Variants in MAU2 observed in about 807,000 individuals in gnomAD.
MAU2 encodes the protein MAU2 chromatid cohesion factor homolog.
Under a neutral mutation model 89.1 loss-of-function variants are expected in MAU2, and 9 were observed. The ratio of observed to expected loss-of-function variants is 0.10; its 90% CI spans 0.06 to 0.18. The LOEUF (loss-of-function observed/expected upper bound fraction) is 0.18, where lower values mean the gene tolerates loss of function less well. Among genes scored for constraint, MAU2 ranks in the 10% least tolerant of loss-of-function variants. MAU2 has a pLI of 1.00. For missense variants in MAU2, 425 were observed against 803.5 expected, an observed-to-expected ratio of 0.53 and a Z score of 5.69; for synonymous variants, 357 against 343.4, an observed-to-expected ratio of 1.04 and a Z score of -0.44.
rs1339630114 is a variant in MAU2, at chr19:19,358,664, C to T, written c.*2882C>T. On this transcript the variant is annotated 3_prime_UTR_variant, in exon 19 of 19. Coordinates refer to ENST00000262815, the MANE Select transcript of MAU2 (RefSeq NM_015329.4). ...AAAAAAACAATTTGTAAATACAGAACATTGTTTAAAAGACATAACCATAGA... is the reference window on the plus strand; with the variant it reads ...AAAAAAACAATTTGTAAATACAGAATATTGTTTAAAAGACATAACCATAGA... 6.6e-6 allele frequency: 1 copy of T among 152,210 alleles called. No individual in the cohort carries two copies. Among genetic ancestry groups the T allele is most frequent in the Admixed American group, 6.5e-5 (1 of 15,280 alleles). 9.4% of individuals were successfully genotyped at this position (152,210 alleles called of 1,614,324 possible).
chr19:19,334,651 C>A, intron 1 of MAU2: 4 of 963,370 alleles, frequency 4.2e-6, no homozygotes, highest in Non-Finnish European at 3.7e-6. Context: ...GGGGTGACAC[C>A]AGGGCATTCT....
chr19:19,341,658 C>T (rs1447652921), intron 7 of MAU2, among the ~76,000 whole-genome samples: 3 of 152,224 alleles, frequency 2.0e-5, no homozygotes, highest in Non-Finnish European at 4.4e-5. Flanking sequence ...TGCATACACT[C>T]GCTCAGTGTA....
rs537539905 is a variant in MAU2, at chr19:19,356,132, G to T, written c.*350G>T. 4 of 476,770 alleles carry T rather than the reference G, an allele frequency of 8.4e-6. No individual in the cohort carries two copies. The highest frequency in any genetic ancestry group is 4.7e-5 in the Admixed American group (2 of 42,302). The allele number at this position is 476,770 out of a possible 1,614,324, so 29.5% of individuals were successfully genotyped here. ...GTCCTAATCCTGTGTGCCAGGGCAG[G>T]CAGTGCCCCAGGGGCACCACGCCTG... On this transcript the variant is annotated 3_prime_UTR_variant, in exon 19 of 19. Coordinates refer to ENST00000262815, the MANE Select transcript of MAU2 (RefSeq NM_015329.4).
intron 1 of MAU2, 60 bp downstream of exon 1, chr19:19,321,195 C>G: frequency 6.9e-7 from 1 of 1,443,000 alleles, no homozygotes; most frequent in South Asian, 1.4e-5. Context: ...TCTGGGCTGA[C>G]GGGTCGCGAC....
At chr19:19,330,630 C>T (rs1159732166) in intron 1 of MAU2, among the ~76,000 whole-genome samples, 1 of 152,162 alleles carries the variant, frequency 6.6e-6, no homozygotes. Context: ...ATCCCAGCTA[C>T]TCGGGAGGCT....
At chr19:19,346,091 A>C (rs1451263052) in intron 12 of MAU2, among the ~76,000 whole-genome samples, 1 of 152,064 alleles carries the variant, frequency 6.6e-6, no homozygotes, top group Non-Finnish European at 1.5e-5. Context: ...TGACTGTTGG[A>C]CAGGGTTCCC....
rs2048169755 is a variant in MAU2, at chr19:19,355,712, C to T, written c.1772C>T (p.Thr591Ile). The T allele has an allele frequency of 6.2e-7, 1 of 1,609,900 alleles. No individual in the cohort carries two copies. The highest frequency in any genetic ancestry group is 2.2e-5 in the East Asian group (1 of 44,844). ...SLPEHNLITWTDGPPPVQFQA... is the reference protein window; with the variant it reads ...SLPEHNLITWIDGPPPVQFQA... ...CATGTCCTCTCCTCCCCACAGTGGACAGACGGTCCACCCCCCGTGCAGTTC... is the reference window on the plus strand; with the variant it reads ...CATGTCCTCTCCTCCCCACAGTGGATAGACGGTCCACCCCCCGTGCAGTTC... The change falls in exon 19 of 19, where the codon ACA becomes ATA. Residue 591 changes from threonine (T) to isoleucine (I), a missense_variant. Coordinates refer to ENST00000262815, the MANE Select transcript of MAU2 (RefSeq NM_015329.4).
rs1006140731 is a variant in MAU2, at chr19:19,347,437, C to T, written c.1308+71C>T. 58 of 1,255,896 alleles carry T rather than the reference C, an allele frequency of 4.6e-5. No individual in the cohort carries two copies. In the South Asian group the frequency reaches 6.6e-4, roughly 14 times the overall value. 77.8% of individuals were successfully genotyped at this position (1,255,896 alleles called of 1,614,324 possible). A position where few individuals can be genotyped will look rare whatever the true frequency, so the allele number is the denominator to read the frequency against. On this transcript the variant is annotated intron_variant, in intron 13 of 18. Transcript: ENST00000262815. ...TCTTTTTGGGGAACCAGGGGGTTGTCCTGGGCACCAGCACATCTCAGCAGA... is the reference window on the plus strand; with the variant it reads ...TCTTTTTGGGGAACCAGGGGGTTGTTCTGGGCACCAGCACATCTCAGCAGA...
chr19:19,355,797 C>T lies in MAU2; in HGVS notation c.*15C>T, dbSNP rs1475882113. The T allele has an allele frequency of 1.2e-6, 2 of 1,603,004 alleles. No homozygotes were observed. The highest frequency in any genetic ancestry group is 1.1e-5 in the South Asian group (1 of 91,048). On this transcript the variant is annotated 3_prime_UTR_variant, in exon 19 of 19. Coordinates refer to ENST00000262815, the MANE Select transcript of MAU2 (RefSeq NM_015329.4). Reference sequence around the variant, plus strand: ...GCCTCCTGTGAGGCCTTGATGGGGCCATCCAGCTCCGCAGGGCCTGCGCGT... The same window carrying T: ...GCCTCCTGTGAGGCCTTGATGGGGCTATCCAGCTCCGCAGGGCCTGCGCGT...
chr19:19,340,164 C>CA (rs1253222446), intron 5 of MAU2, among the ~76,000 whole-genome samples: 1,318 of 83,950 alleles, frequency 0.016, 18 homozygotes, highest in East Asian at 0.038. Flanking sequence ...GACTCCATCT[C>CA]AAAAAAAAAA....
intron 1 of MAU2, among the ~76,000 whole-genome samples, chr19:19,330,046 C>A (rs1454029514): frequency 6.6e-6 from 1 of 151,700 alleles, no homozygotes; most frequent in African/African-American, 2.4e-5. Context: ...GTGGCGCAAT[C>A]TTAGCTCCCT....
At position 19,345,471 on chromosome 19, in the gene MAU2, T is replaced by C; in HGVS notation, c.1221+102T>C. ...GACAGCAGTCGCGCTAGGTCAGCTA[T>C]GCAAAGCCGCAGCCCCAGAGGCAAT... On this transcript the variant is annotated intron_variant, in intron 12 of 18. Transcript: ENST00000262815. The surrounding 1 kb of genome is among the most constrained non-coding windows in gnomAD (Gnocchi z 4.9). 1 of 1,148,188 alleles carries C rather than the reference T, an allele frequency of 8.7e-7. No homozygotes were observed. Among genetic ancestry groups the C allele is most frequent in the Non-Finnish European group, 1.3e-6 (1 of 775,444 alleles). The allele number at this position is 1,148,188 out of a possible 1,614,324, so 71.1% of individuals were successfully genotyped here.
intron 1 of MAU2, among the ~76,000 whole-genome samples, chr19:19,322,875 T>C (rs1488135915): frequency 6.6e-6 from 1 of 151,712 alleles, no homozygotes; most frequent in Non-Finnish European, 1.5e-5. Context: ...AAGGAGACTT[T>C]ATTTTATTTT....
intron 1 of MAU2, chr19:19,321,382 A>C (rs2061454341): frequency 4.3e-6 from 2 of 465,428 alleles, no homozygotes; most frequent in South Asian, 3.5e-5. Flanking sequence ...GAGCCCCGTC[A>C]CCGTACTCTG....
intron 1 of MAU2, among the ~76,000 whole-genome samples, chr19:19,326,714 A>ATATACG (rs1568648693): frequency 1.7e-5 from 2 of 119,290 alleles, no homozygotes; most frequent in Non-Finnish European, 3.5e-5. Flanking sequence ...ATATATATAT[A>ATATACG]TATATACATA....
chr19:19,324,917 A>T (rs912292536), intron 1 of MAU2, among the ~76,000 whole-genome samples: 10 of 151,880 alleles, frequency 6.6e-5, no homozygotes, highest in African/African-American at 2.4e-4. Context: ...TTCATTCTTT[A>T]TTAATTGTGC....
chr19:19,338,966 C>T (rs765291205), intron 5 of MAU2, 27 bp downstream of exon 5: 3 of 1,579,874 alleles, frequency 1.9e-6, no homozygotes, highest in Admixed American at 3.6e-5. Flanking sequence ...CTCCTTCCCT[C>T]CTGCTCTGTT....
At chr19:19,334,037 C>A in intron 1 of MAU2, 1 of 292,208 alleles carries the variant, frequency 3.4e-6, no homozygotes, top group Non-Finnish European at 5.1e-6. Flanking sequence ...ATTGGGCATC[C>A]CTTCCAGTTG....
At chr19:19,351,415 A>G (rs562459619) in intron 16 of MAU2, among the ~76,000 whole-genome samples, 1 of 152,220 alleles carries the variant, frequency 6.6e-6, no homozygotes, top group South Asian at 2.1e-4. Flanking sequence ...CAGGCCTGTA[A>G]TCCCAACACT....
Sources: gnomAD v4.1 joint callset for allele counts (sites outside exome capture counted in the v4.1 genomes callset) on GRCh38, gnomAD v4.1.1 for gene constraint, Gnocchi (gnomAD v3.1) non-coding constraint, MANE v1.5 for transcripts, NCBI Gene and HGNC (gene_info 2026-07-23, HGNC 2026-07-21) for gene names.